CLEC9A: variants seen among roughly 807,000 people sequenced by gnomAD.
CLEC9A encodes C-type lectin domain family 9 member A.
Under a neutral mutation model 30.0 loss-of-function variants are expected in CLEC9A, and 24 were observed. The observed-to-expected ratio is 0.80, with a 90% CI of 0.58 to 1.13. The LOEUF is 1.13. CLEC9A is among the 50% of genes most tolerant of loss of function. The pLI, the probability that CLEC9A is intolerant of heterozygous loss-of-function variation, is 0.00. For missense variants in CLEC9A, 251 were observed against 280.9 expected (o/e 0.89, Z 0.76); for synonymous variants, 111 against 96.8 (o/e 1.15, Z -0.86).
At chr12:10,051,531 A>C (rs182513165) in intron 2 of CLEC9A, among the ~76,000 whole-genome samples, 22 of 152,322 alleles carry the variant, frequency 1.4e-4, no homozygotes, top group Non-Finnish European at 2.4e-4. Flanking sequence ...CTTTATATAC[A>C]GTCCTTTAAT....
chr12:10,040,654 A>G (rs1865787119), intron 1 of CLEC9A, among the ~76,000 whole-genome samples: 2 of 151,476 alleles, frequency 1.3e-5, no homozygotes, highest in South Asian at 2.1e-4. Flanking sequence ...GTTTCACCGT[A>G]TTAGCCAGGA....
intron 1 of CLEC9A, among the ~76,000 whole-genome samples, chr12:10,034,920 C>A (rs556855501): frequency 7.0e-4 from 107 of 152,308 alleles, no homozygotes; most frequent in African/African-American, 2.4e-3. Flanking sequence ...TTCTGCATCC[C>A]AGGGTTCTTA....
At chr12:10,050,998 A>G (rs1371283238) in intron 2 of CLEC9A, among the ~76,000 whole-genome samples, 1 of 152,114 alleles carries the variant, frequency 6.6e-6, no homozygotes, top group Non-Finnish European at 1.5e-5. Context: ...TGAGGTCAGG[A>G]GTTTGAGACC....
At chr12:10,061,065 T>G in intron 5 of CLEC9A, 62 bp from the exon 6 acceptor site, 1 of 1,564,982 alleles carries the variant, frequency 6.4e-7, no homozygotes, top group Non-Finnish European at 8.7e-7. Context: ...TAGTCTGTGT[T>G]GAAGGATTAT....
rs1056221337 is a variant in CLEC9A at position 10,065,796 on chromosome 12, C to T, written c.*164C>T. On this transcript the variant is annotated 3_prime_UTR_variant, in exon 9 of 9. Coordinates refer to ENST00000355819, the MANE Select transcript of CLEC9A (RefSeq NM_207345.4). ...TACACTTGGGAATATTCTTCCACACCGTCCAGATTTCATTTGATGTTGTTC... is the reference window on the plus strand; with the variant it reads ...TACACTTGGGAATATTCTTCCACACTGTCCAGATTTCATTTGATGTTGTTC... The T allele has an allele frequency of 1.8e-5, 11 of 619,836 alleles. No individual in the cohort carries two copies. The highest frequency in any genetic ancestry group is 6.0e-5 in the East Asian group (2 of 33,270). The allele number at this position is 619,836 out of a possible 1,614,324, so 38.4% of individuals were successfully genotyped here.
At chr12:10,034,369 A>G (rs1865726295) in intron 1 of CLEC9A, among the ~76,000 whole-genome samples, 1 of 152,186 alleles carries the variant, frequency 6.6e-6, no homozygotes, top group South Asian at 2.1e-4. Context: ...GCTTAAACAA[A>G]CCAATTCTCA....
chr12:10,040,596 G>A lies in CLEC9A; in HGVS notation c.-317-870G>A, dbSNP rs61918592. Among the ~76,000 whole-genome samples, 4 of 151,322 alleles carry A rather than the reference G, an allele frequency of 2.6e-5. No individual in the cohort carries two copies. The South Asian group carries it at 8.4e-4, about 32-fold the overall frequency. ...CTCCCGAGTAGCGGGGACTACAGGC[G>A]CCCGCCACCACACCCGGCTAATTTT... On this transcript the variant is annotated intron_variant, in intron 1 of 8. Transcript: ENST00000355819.
intron 1 of CLEC9A, among the ~76,000 whole-genome samples, chr12:10,036,408 T>C (rs1481669317): frequency 6.6e-6 from 1 of 152,218 alleles, no homozygotes; most frequent in Non-Finnish European, 1.5e-5. Context: ...ACAATTGTAA[T>C]GAAGAGGGCT....
At chr12:10,049,548 T>G (rs1437176513) in intron 2 of CLEC9A, among the ~76,000 whole-genome samples, 2 of 152,248 alleles carry the variant, frequency 1.3e-5, no homozygotes, top group Non-Finnish European at 2.9e-5. Flanking sequence ...TTCTCCAGTT[T>G]CTAAATCAGT....
intron 2 of CLEC9A, among the ~76,000 whole-genome samples, chr12:10,051,076 G>C (rs1865888945): frequency 6.6e-6 from 1 of 151,894 alleles, no homozygotes; most frequent in South Asian, 2.1e-4. Context: ...GTGGTGGCGG[G>C]TGCCTGTCAT....
chr12:10,038,837 T>TA (rs140956779), intron 1 of CLEC9A, among the ~76,000 whole-genome samples: 1 of 142,988 alleles, frequency 7.0e-6, no homozygotes, highest in Non-Finnish European at 1.5e-5. Context: ...TGGGTGGGCA[T>TA]AAAACAAAAC....
chr12:10,031,982 A>G (rs1865701208), intron 1 of CLEC9A, among the ~76,000 whole-genome samples: 1 of 151,626 alleles, frequency 6.6e-6, no homozygotes, highest in Non-Finnish European at 1.5e-5. Context: ...TTGTTTGGAG[A>G]GCTAAGTTCA....
At chr12:10,038,081 T>C (rs982483588) in intron 1 of CLEC9A, among the ~76,000 whole-genome samples, 12 of 152,376 alleles carry the variant, frequency 7.9e-5, no homozygotes, top group Non-Finnish European at 1.6e-4. Flanking sequence ...AGCTTACGAC[T>C]GGGAACCACT....
rs910269407 is a variant in CLEC9A at position 10,035,743 on chromosome 12, G to A, written c.-318+4771G>A. 6.6e-5 allele frequency among the ~76,000 whole-genome samples: 10 copies of A among 152,086 alleles called. No homozygotes were observed. The East Asian group carries it at 9.6e-4, about 15-fold the overall frequency. On this transcript the variant is annotated intron_variant, in intron 1 of 8. Transcript: ENST00000355819. ...TGATCCTGCCACCTCAGCCTCCCACGCAATGGAACTACAGGCGTGCGCCAC... is the reference window on the plus strand; with the variant it reads ...TGATCCTGCCACCTCAGCCTCCCACACAATGGAACTACAGGCGTGCGCCAC...
rs754633170 is a variant in CLEC9A, at chr12:10,061,112, T to A, written c.173-15T>A. ...ATGTCAGGATTTTATTAGGAATGAT[T>A]GCTATCATGTGAAGTGTTGCAGGTG... On this transcript the variant is annotated splice_polypyrimidine_tract_variant and intron_variant, in intron 5 of 8. Coordinates refer to ENST00000355819, the MANE Select transcript of CLEC9A (RefSeq NM_207345.4). The A allele has an allele frequency of 5.0e-6, 8 of 1,605,828 alleles. No homozygotes were observed. The East Asian group carries it at 1.6e-4, about 32-fold the overall frequency.
chr12:10,065,561 C>T lies in CLEC9A; in HGVS notation c.655C>T (p.Leu219Phe). 1 of 1,614,002 alleles carries T rather than the reference C, an allele frequency of 6.2e-7. No homozygotes were observed. Among genetic ancestry groups the T allele is most frequent in the South Asian group, 1.1e-5 (1 of 91,088 alleles). The change falls in exon 9 of 9, where the codon CTT (leucine) becomes TTT (phenylalanine). Residue 219 changes from leucine (L) to phenylalanine (F), a missense_variant. Coordinates refer to ENST00000355819, the MANE Select transcript of CLEC9A (RefSeq NM_207345.4). The stretch of plus-strand genomic sequence containing the variant: ...CTGTGGATACGTGAAAAGCAATTCC[C>T]TTCTTTCGTCTAACTGCAGCACGTG... ...QVCGYVKSNS[L>F]LSSNCSTWKY...
rs140293862 is a variant in CLEC9A at position 10,034,547 on chromosome 12, C to T, written c.-318+3575C>T. ...TTTCTTTACTATCTGTGCTCCCCACCCTTTACTATAATACAAGCTCATTGC... is the reference window on the plus strand; with the variant it reads ...TTTCTTTACTATCTGTGCTCCCCACTCTTTACTATAATACAAGCTCATTGC... On this transcript the variant is annotated intron_variant, in intron 1 of 8. Transcript: ENST00000355819. Among the ~76,000 whole-genome samples, 35 of 152,302 alleles carry T rather than the reference C, an allele frequency of 2.3e-4. No individual in the cohort carries two copies. The East Asian group carries it at 6.8e-3, about 29-fold the overall frequency.
chr12:10,050,051 T>G (rs964226155), intron 2 of CLEC9A, among the ~76,000 whole-genome samples: 2 of 152,232 alleles, frequency 1.3e-5, no homozygotes, highest in African/African-American at 2.4e-5. Flanking sequence ...TTTTTAATAT[T>G]GTTAGGTCTC....
At chr12:10,040,569 G>C (rs1865785152) in intron 1 of CLEC9A, among the ~76,000 whole-genome samples, 1 of 151,504 alleles carries the variant, frequency 6.6e-6, no homozygotes, top group African/African-American at 2.4e-5. Flanking sequence ...TCCTGCCTCA[G>C]CCTCCCGAGT....
Sources: gnomAD v4.1 joint callset for allele counts (sites outside exome capture counted in the v4.1 genomes callset) on GRCh38, gnomAD v4.1.1 for gene constraint, MANE v1.5 for transcripts, NCBI Gene and HGNC (gene_info 2026-07-23, HGNC 2026-07-21) for gene names.